CLVS1: variants seen among roughly 807,000 people sequenced by gnomAD.
The protein encoded by CLVS1 is clavesin-1.
Under a neutral mutation model 33.1 loss-of-function variants are expected in CLVS1, and 10 were observed. That is an observed-to-expected ratio of 0.30 (90% CI 0.19 to 0.51). The LOEUF (loss-of-function observed/expected upper bound fraction) is 0.51, where lower values mean the gene tolerates loss of function less well. Ranked by LOEUF, CLVS1 falls within the 20% of genes least tolerant of loss-of-function variation. CLVS1 has a pLI of 0.97. For missense variants in CLVS1, 343 were observed against 433.4 expected (o/e 0.79, Z 1.85); for synonymous variants, 163 against 166.1 (o/e 0.98, Z 0.14).
chr8:61,495,688 C>A (rs1804243735), intron 5 of CLVS1, among the ~76,000 whole-genome samples: 1 of 152,158 alleles, frequency 6.6e-6, no homozygotes, highest in South Asian at 2.1e-4. Flanking sequence ...GTAAATACAG[C>A]CAGATTTCCC....
chr8:61,046,026 C>T, the CLVS1 span, among the ~76,000 whole-genome samples: 2 of 151,734 alleles, frequency 1.3e-5, no homozygotes, highest in Non-Finnish European at 2.9e-5. Flanking sequence ...GCTTTTGTTG[C>T]CATTGCTTTT....
At chr8:61,171,442 T>TA (rs1443314447) in intron 2 of CLVS1, among the ~76,000 whole-genome samples, 6 of 152,186 alleles carry the variant, frequency 3.9e-5, no homozygotes, top group Admixed American at 6.5e-5. Flanking sequence ...ATCTTGGTCT[T>TA]ACAGACATTT....
intron 2 of CLVS1, among the ~76,000 whole-genome samples, chr8:61,230,363 G>A (rs1241570536): frequency 6.6e-6 from 1 of 152,180 alleles, no homozygotes; most frequent in East Asian, 1.9e-4. Flanking sequence ...ATTCTTGGCT[G>A]TGAGATACTG....
chr8:61,294,879 A>G (rs1259396669), intron 1 of CLVS1, among the ~76,000 whole-genome samples: 1 of 152,218 alleles, frequency 6.6e-6, no homozygotes, highest in African/African-American at 2.4e-5. Flanking sequence ...TAAGGAATAC[A>G]GTGTATGTTT....
rs553542020 is a variant in CLVS1 at position 61,264,183 on chromosome 8, T to C, written c.-151-35494T>C. On this transcript the variant is annotated intron_variant, in intron 2 of 2. Transcript: ENST00000522621. ...TTAGCTGGTTGCAGATCTTGTCTTTTTCTTCCCTCTGTATCTCTCTGGGTG... is the reference window on the plus strand; with the variant it reads ...TTAGCTGGTTGCAGATCTTGTCTTTCTCTTCCCTCTGTATCTCTCTGGGTG... Among the ~76,000 whole-genome samples, 418 of 152,196 alleles carry C rather than the reference T, an allele frequency of 2.7e-3. 1 individual carries two copies. The highest frequency in any genetic ancestry group is 3.9e-3 in the Non-Finnish European group (264 of 68,006).
chr8:61,116,186 C>G (rs1805720413), intron 1 of CLVS1, among the ~76,000 whole-genome samples: 1 of 151,878 alleles, frequency 6.6e-6, no homozygotes, highest in Non-Finnish European at 1.5e-5. Context: ...TGAGAAGTGT[C>G]TGTTCATGTC....
intron 2 of CLVS1, among the ~76,000 whole-genome samples, chr8:61,142,298 C>G (rs529780353): frequency 2.0e-5 from 3 of 152,272 alleles, no homozygotes; most frequent in Non-Finnish European, 2.9e-5. Flanking sequence ...TAAGATGTGC[C>G]CTGCTTCCCC....
chr8:61,437,744 C>A (rs1235622892), intron 3 of CLVS1, among the ~76,000 whole-genome samples: 2 of 152,156 alleles, frequency 1.3e-5, no homozygotes, highest in Non-Finnish European at 2.9e-5. Context: ...CAAACACATG[C>A]AGCTGAAACA....
chr8:61,247,284 A>G (rs1304285566), intron 2 of CLVS1, among the ~76,000 whole-genome samples: 1 of 152,176 alleles, frequency 6.6e-6, no homozygotes, highest in African/African-American at 2.4e-5. Flanking sequence ...TTATGGCAGA[A>G]TGATTTATAT....
intron 2 of CLVS1, among the ~76,000 whole-genome samples, chr8:61,304,377 T>C (rs1337339038): frequency 1.3e-5 from 2 of 152,210 alleles, no homozygotes; most frequent in Admixed American, 6.5e-5. Context: ...GAGCATAAAC[T>C]GGCCTTGCCT....
intron 2 of CLVS1, among the ~76,000 whole-genome samples, chr8:61,200,840 C>CT (rs1563442539): frequency 6.6e-6 from 1 of 151,976 alleles, no homozygotes; most frequent in African/African-American, 2.4e-5. Flanking sequence ...TGGTTTTTAT[C>CT]TTTTTTTGTT....
intron 2 of CLVS1, among the ~76,000 whole-genome samples, chr8:61,160,620 G>T (rs956064285): frequency 1.6e-5 from 2 of 122,624 alleles, no homozygotes; most frequent in Admixed American, 8.1e-5. Flanking sequence ...CTTGTTAAGA[G>T]ATTTTTTTTT....
At chr8:61,479,276 A>G (rs1818085424) in intron 5 of CLVS1, among the ~76,000 whole-genome samples, 1 of 151,954 alleles carries the variant, frequency 6.6e-6, no homozygotes, top group African/African-American at 2.4e-5. Flanking sequence ...GGCTTTGTTC[A>G]TTTCTTTTTT....
intron 2 of CLVS1, among the ~76,000 whole-genome samples, chr8:61,239,627 T>A (rs1290155359): frequency 1.3e-5 from 2 of 151,958 alleles, no homozygotes; most frequent in Non-Finnish European, 2.9e-5. Flanking sequence ...TCCCAGCTAC[T>A]TGGGAGGCTG....
At chr8:61,331,576 G>A (rs1335421940) in intron 2 of CLVS1, among the ~76,000 whole-genome samples, 1 of 142,678 alleles carries the variant, frequency 7.0e-6, no homozygotes, top group Non-Finnish European at 1.5e-5. Flanking sequence ...TTGTCTTTTT[G>A]TTCTATCTTC....
chr8:61,242,143 T>C (rs1174979462), intron 2 of CLVS1, among the ~76,000 whole-genome samples: 2 of 152,190 alleles, frequency 1.3e-5, no homozygotes, highest in African/African-American at 2.4e-5. Context: ...TCAAATATAA[T>C]CTTGTCTAAG....
At chr8:60,987,143 G>A in the CLVS1 span, among the ~76,000 whole-genome samples, 73 of 152,316 alleles carry the variant, frequency 4.8e-4, 3 homozygotes, top group East Asian at 0.014. Flanking sequence ...GGAACGTGAT[G>A]AGCGCTGTGA....
rs193118209 is a variant in CLVS1 at position 61,222,405 on chromosome 8, G to T, written c.-151-77272G>T. Among the ~76,000 whole-genome samples the T allele has an allele frequency of 4.6e-5, 7 of 152,216 alleles. No homozygotes were observed. The East Asian group carries it at 7.7e-4, about 17-fold the overall frequency. On this transcript the variant is annotated intron_variant, in intron 2 of 2. Coordinates refer to the CLVS1 transcript ENST00000522621. ...TCTCTTTTTTCTCATGAATTTCAAA[G>T]AATTTCTTGATTTCTGCCTTAATTA... is the stretch of plus-strand genomic sequence containing the variant.
chr8:61,282,994 T>C (rs573338529), upstream of CLVS1, among the ~76,000 whole-genome samples: 16 of 152,332 alleles, frequency 1.1e-4, no homozygotes, highest in Admixed American at 3.3e-4. Context: ...CCTTCCATGA[T>C]ATAGTCTGGA....
Sources: gnomAD v4.1 joint callset for allele counts (sites outside exome capture counted in the v4.1 genomes callset) on GRCh38, gnomAD v4.1.1 for gene constraint, MANE v1.5 for transcripts, NCBI Gene and HGNC (gene_info 2026-07-23, HGNC 2026-07-21) for gene names.